The following ZNF667 variants were observed in gnomAD, a reference collection of about 807,000 sequenced individuals.
ZNF667 encodes zinc finger protein 667, also known as myocardial ischemic preconditioning upregulated 1 ortholog.
A neutral mutation model predicts 31.8 loss-of-function variants in ZNF667; 13 were observed. The ratio of observed to expected loss-of-function variants is 0.41; its 90% confidence interval spans 0.27 to 0.65. The LOEUF is 0.65. ZNF667 is among the 30% of genes least tolerant of loss of function. The probability of loss-of-function intolerance (pLI) is 0.32; values close to 1 mark genes in which losing one functional copy is unlikely to be tolerated. For missense variants in ZNF667, 642 were observed against 725.6 expected (o/e 0.88, Z 1.32); for synonymous variants, 228 against 247.1 (o/e 0.92, Z 0.73).
chr19:56,450,684 T>A (rs1265504135), intron 6 of ZNF667, among the ~76,000 whole-genome samples: 2 of 152,174 alleles, frequency 1.3e-5, no homozygotes, highest in Non-Finnish European at 2.9e-5. Context: ...CACACAGTAT[T>A]AAAATATAAA....
chr19:56,449,343 G>A (rs2147706702), intron 6 of ZNF667: 1 of 383,658 alleles, frequency 2.6e-6, no homozygotes, highest in African/African-American at 2.1e-5. Flanking sequence ...CAGTTCTGGA[G>A]TGACAGAGCT....
intron 3 of ZNF667, among the ~76,000 whole-genome samples, chr19:56,466,583 G>C (rs2043164882): frequency 6.6e-6 from 1 of 152,176 alleles, no homozygotes; most frequent in African/African-American, 2.4e-5. Context: ...CATGACTAGA[G>C]TGACTCTGTC....
chr19:56,452,793 G>A (rs886693825), intron 6 of ZNF667, among the ~76,000 whole-genome samples: 5 of 151,798 alleles, frequency 3.3e-5, no homozygotes, highest in Admixed American at 2.0e-4. Context: ...GGTGGCGGAC[G>A]CTTGTAATCC....
Position 56,441,486 on chromosome 19 carries a change from CTG to C in ZNF667, c.1507_1508del (p.Gln503ValfsTer15). 1 of 1,614,092 alleles carries C rather than the reference CTG, an allele frequency of 6.2e-7. No homozygotes were observed. Among genetic ancestry groups the C allele is most frequent in the Non-Finnish European group, 8.5e-7 (1 of 1,180,016 alleles). On this transcript the variant is annotated frameshift_variant, in exon 7 of 7. Transcript: ENST00000504904. LOFTEE classifies it high-confidence loss of function. This position sits in a 1 kb window ranked among gnomAD's most constrained non-coding sequence, Gnocchi z 4.2. Reference sequence around the variant, plus strand: ...CACTCTGGCTGAAGGCCTTCCCACACTGATCACATTCATAGGGTCTATCTTCA... The same window carrying C: ...CACTCTGGCTGAAGGCCTTCCCACACATCACATTCATAGGGTCTATCTTCA... ...HTEDRPYECDQCGKAFSQSAH... is the reference protein window; with the variant it reads ...HTEDRPYECDXCGKAFSQSAH...
At chr19:56,446,070 A>C (rs990999116) in intron 6 of ZNF667, among the ~76,000 whole-genome samples, 1 of 152,252 alleles carries the variant, frequency 6.6e-6, no homozygotes, top group African/African-American at 2.4e-5. Context: ...TTTTTATTTG[A>C]ATGTGGATAC....
chr19:56,448,811 A>G (rs1414145727), intron 6 of ZNF667, among the ~76,000 whole-genome samples: 1 of 152,152 alleles, frequency 6.6e-6, no homozygotes, highest in Admixed American at 6.5e-5. Flanking sequence ...CTTCGAATAA[A>G]CATCAGTGGT....
intron 3 of ZNF667, 112 bp downstream of exon 3, chr19:56,471,587 A>G (rs1411911567): frequency 6.6e-6 from 1 of 152,244 alleles, no homozygotes; most frequent in African/African-American, 2.4e-5. Context: ...GCAGCTGCCC[A>G]TAACAGAAAA....
chr19:56,452,549 G>A (rs2042853205), intron 6 of ZNF667, among the ~76,000 whole-genome samples: 1 of 151,918 alleles, frequency 6.6e-6, no homozygotes, highest in Admixed American at 6.6e-5. Context: ...AAAACCAAGA[G>A]CAAACCAAAC....
intron 3 of ZNF667, chr19:56,468,178 G>A (rs2043205068): frequency 6.6e-6 from 1 of 152,196 alleles, no homozygotes; most frequent in South Asian, 2.1e-4. Flanking sequence ...AACTGCTTCA[G>A]GCAAACCTGT....
intron 6 of ZNF667, chr19:56,444,090 T>C (rs1373850253): frequency 1.0e-5 from 4 of 395,770 alleles, no homozygotes; most frequent in Non-Finnish European, 8.9e-6. Context: ...ATATGTTGGA[T>C]ATATTAGGTT....
intron 3 of ZNF667, chr19:56,467,201 G>T (rs2043181709): frequency 2.7e-6 from 1 of 365,298 alleles, no homozygotes; most frequent in African/African-American, 2.1e-5. Context: ...ATGGGGTGGG[G>T]GGGAAATGAG....
chr19:56,473,362 C>G (rs909503970), intron 2 of ZNF667, among the ~76,000 whole-genome samples: 3 of 152,070 alleles, frequency 2.0e-5, no homozygotes, highest in African/African-American at 7.2e-5. Context: ...ATACGTAACA[C>G]ATTTAGAGTG....
chr19:56,441,092 T>C lies in ZNF667; in HGVS notation c.*70A>G, dbSNP rs550849799. The stretch of plus-strand genomic sequence containing the variant: ...TGGTCCCATATACACAAAATTTACA[T>C]TATAGACAAATACATATTTGCCATA... On this transcript the variant is annotated 3_prime_UTR_variant, in exon 7 of 7. Coordinates refer to ENST00000504904, the MANE Select transcript of ZNF667 (RefSeq NM_001321356.2). This position sits in a 1 kb window ranked among gnomAD's most constrained non-coding sequence, Gnocchi z 4.2. The C allele has an allele frequency of 2.6e-6, 4 of 1,523,162 alleles. No individual in the cohort carries two copies. In the African/African-American group the frequency reaches 5.5e-5, roughly 21 times the overall value. The allele number at this position is 1,523,162 out of a possible 1,614,324, so 94.4% of individuals were successfully genotyped here.
intron 2 of ZNF667, chr19:56,473,008 T>C (rs2043325946): frequency 6.6e-6 from 1 of 152,242 alleles, no homozygotes; most frequent in African/African-American, 2.4e-5. Flanking sequence ...TTTGGCAATG[T>C]CTTTAAGACC....
At chr19:56,458,054 G>T in intron 6 of ZNF667, 101 bp downstream of exon 6, 2 of 1,058,764 alleles carry the variant, frequency 1.9e-6, no homozygotes, top group South Asian at 1.3e-5. Context: ...CCAGAACTGT[G>T]AGAAGTAGAT....
chr19:56,461,955 ATG>A (rs1392786895), intron 4 of ZNF667, among the ~76,000 whole-genome samples: 5 of 148,864 alleles, frequency 3.4e-5, no homozygotes, highest in African/African-American at 1.0e-4. Context: ...TCCAGAGCAC[ATG>A]TCAAGTCCCC....
At chr19:56,469,665 C>A (rs1407274102) in intron 3 of ZNF667, among the ~76,000 whole-genome samples, 1 of 152,128 alleles carries the variant, frequency 6.6e-6, no homozygotes. Context: ...AGCTGCCCCC[C>A]ACCACCCTTC....
chr19:56,454,256 A>G (rs1051585221), intron 6 of ZNF667, among the ~76,000 whole-genome samples: 1 of 152,170 alleles, frequency 6.6e-6, no homozygotes, highest in Admixed American at 6.5e-5. Context: ...CATACTACCC[A>G]AATTAATCTA....
intron 6 of ZNF667, chr19:56,444,138 T>A: frequency 2.5e-6 from 1 of 398,304 alleles, no homozygotes; most frequent in Non-Finnish European, 4.4e-6. Context: ...TACCTGTTTG[T>A]ATTAGGAAGT....
Sources: allele counts gnomAD v4.1 joint callset (sites outside exome capture counted in the v4.1 genomes callset), GRCh38; gene constraint gnomAD v4.1.1; non-coding constraint Gnocchi (gnomAD v3.1); transcripts MANE v1.5; gene names NCBI Gene and HGNC (gene_info 2026-07-23, HGNC 2026-07-21).